Variants in AMOT observed in about 807,000 individuals in gnomAD.
AMOT encodes the protein angiomotin.
In AMOT, 11 loss-of-function variants were observed where a neutral mutation model predicts 67.0. The ratio of observed to expected loss-of-function variants is 0.16; its 90% CI spans 0.10 to 0.27. The LOEUF is 0.27. Among genes scored for constraint, AMOT ranks in the 10% least tolerant of loss-of-function variants. The pLI is 1.00. For missense variants in AMOT, 753 were observed against 852.0 expected, an observed-to-expected ratio of 0.88 and a Z score of 1.45; for synonymous variants, 326 against 321.4, an observed-to-expected ratio of 1.01 and a Z score of -0.15.
At position 112,779,090 on chromosome X, in the gene AMOT, C is replaced by CAGCTGGAGTTGGAGTTGG. The variant is rs780675984; in HGVS notation, c.3046_3063dup (p.Pro1016_Ala1021dup). 7 of 1,198,916 alleles carry CAGCTGGAGTTGGAGTTGG rather than the reference C, an allele frequency of 5.8e-6. No homozygotes were observed. Among genetic ancestry groups the CAGCTGGAGTTGGAGTTGG allele is most frequent in the Non-Finnish European group, 5.7e-6 (5 of 884,887 alleles). On this transcript the variant is annotated inframe_insertion, in exon 13 of 14. Coordinates refer to ENST00000371959, the MANE Select transcript of AMOT (RefSeq NM_001113490.2). Reference sequence around the variant, plus strand: ...CTTGCAGGAACCTCAGCCTGAGCCACAGCTGGAGTTGGAGTTGGAGCTGGA... The same window carrying CAGCTGGAGTTGGAGTTGG: ...CTTGCAGGAACCTCAGCCTGAGCCACAGCTGGAGTTGGAGTTGGAGCTGGAGTTGGAGTTGGAGCTGGA...
Position 112,775,286 on chromosome X carries a change from G to A in AMOT, c.*3281C>T, listed in dbSNP as rs1932913899. 8.9e-6 allele frequency: 1 copy of A among 112,843 alleles called. No homozygotes were observed. The highest frequency in any genetic ancestry group is 3.7e-4 in the South Asian group (1 of 2,729). 9.3% of individuals were successfully genotyped at this position (112,843 alleles called of 1,213,427 possible). ...CTTTGAAAACATTTTCAGTAAGAAT[G>A]CACACGTTTTAAGTAACATATTCCA... On this transcript the variant is annotated 3_prime_UTR_variant, in exon 14 of 14. Transcript: ENST00000371959.
intron 10 of AMOT, among the ~76,000 whole-genome samples, chrX:112,782,933 A>C: frequency 9.0e-6 from 1 of 111,637 alleles, no homozygotes; most frequent in East Asian, 2.8e-4. Flanking sequence ...AACTGAACAG[A>C]TATCATCCCA....
chrX:112,781,126 C>T lies in AMOT; in HGVS notation c.2241-8G>A, dbSNP rs774548706. Reference sequence around the variant, plus strand: ...GCATGGAGGGTCTTAATCCTAGGAGCCAAAGGCAAAGAACATATAAAGACC... The same window carrying T: ...GCATGGAGGGTCTTAATCCTAGGAGTCAAAGGCAAAGAACATATAAAGACC... On this transcript the variant is annotated splice_region_variant and splice_polypyrimidine_tract_variant and intron_variant, in intron 11 of 13. Transcript: ENST00000371959. 22 of 1,200,761 alleles carry T rather than the reference C, an allele frequency of 1.8e-5. No homozygotes were observed. The highest frequency in any genetic ancestry group is 1.9e-5 in the Non-Finnish European group (17 of 887,162).
At chrX:112,803,357 T>G (rs2147800025) in intron 8 of AMOT, among the ~76,000 whole-genome samples, 1 of 111,774 alleles carries the variant, frequency 8.9e-6, no homozygotes, top group African/African-American at 3.2e-5. Flanking sequence ...AAGAATTCAG[T>G]CTTACCCCAT....
intron 8 of AMOT, among the ~76,000 whole-genome samples, chrX:112,795,248 CTGTGTGTGTGTGTG>C (rs575390682): frequency 2.9e-5 from 3 of 104,195 alleles, no homozygotes; most frequent in Non-Finnish European, 3.9e-5. Context: ...GTCTCTCTCT[CTGTGTGTGTGTGTG>C]TGTGTGTGTG....
chrX:112,781,951 T>C (rs1463306956), intron 11 of AMOT, among the ~76,000 whole-genome samples: 1 of 111,931 alleles, frequency 8.9e-6, no homozygotes, highest in East Asian at 2.8e-4. Context: ...TGCAATGGCA[T>C]GATCTTGACT....
At chrX:112,815,248 C>T in intron 5 of AMOT, 110 bp downstream of exon 5, 2 of 1,009,667 alleles carry the variant, frequency 2.0e-6, no homozygotes, top group Non-Finnish European at 2.7e-6. Context: ...ATCCTGAAGA[C>T]CTGCCACAAG....
At chrX:112,788,573 C>T (rs919465062) in intron 10 of AMOT, among the ~76,000 whole-genome samples, 3 of 112,229 alleles carry the variant, frequency 2.7e-5, no homozygotes, top group African/African-American at 9.7e-5. Context: ...GAGGCACTAT[C>T]ACTGGAAAAG....
chrX:112,792,132 T>C (rs1440988896), intron 8 of AMOT, 151 bp from the exon 9 acceptor site: 2 of 595,509 alleles, frequency 3.4e-6, no homozygotes, highest in African/African-American at 2.3e-5. Flanking sequence ...AGAAGGTCCT[T>C]CACAATGAGT....
At chrX:112,812,080 T>C (rs919683987) in intron 5 of AMOT, among the ~76,000 whole-genome samples, 1 of 111,994 alleles carries the variant, frequency 8.9e-6, no homozygotes, top group African/African-American at 3.2e-5. Context: ...GATACATCTT[T>C]AAGAAAAGTA....
chrX:112,779,063 G>A lies in AMOT; in HGVS notation c.3091C>T (p.Pro1031Ser), dbSNP rs1315225526. Reference sequence around the variant, plus strand: ...CGATGTGGTCCAGGACCGGTAGCTGGACTTGCAGGAACCTCAGCCTGAGCC... The same window carrying A: ...CGATGTGGTCCAGGACCGGTAGCTGAACTTGCAGGAACCTCAGCCTGAGCC... ...AVAQAEVPAS[P>S]ATGPGPHRLS... is the part of the protein sequence containing the mutation. The change falls in exon 13 of 14, where the codon CCA becomes TCA. Residue 1031 changes from proline to serine, a missense_variant. Physicochemically the swap from Pro to Ser is moderately conservative, Grantham distance 74 (BLOSUM62 -1). This residue lies in a region of AMOT where 269 missense variants were observed against 300.9 expected (regional missense o/e 0.89). Coordinates refer to ENST00000371959, the MANE Select transcript of AMOT (RefSeq NM_001113490.2). 1 of 1,206,860 alleles carries A rather than the reference G, an allele frequency of 8.3e-7. No homozygotes were observed. The highest frequency in any genetic ancestry group is 1.8e-5 in the African/African-American group (1 of 56,950).
intron 5 of AMOT, among the ~76,000 whole-genome samples, chrX:112,811,779 C>T (rs1040827579): frequency 1.2e-4 from 13 of 111,809 alleles, no homozygotes; most frequent in African/African-American, 4.2e-4. Flanking sequence ...AGGGCTTTCA[C>T]ATGTTGGTTC....
chrX:112,783,293 T>TC (rs1933258870), intron 10 of AMOT, among the ~76,000 whole-genome samples: 1 of 89,480 alleles, frequency 1.1e-5, no homozygotes, highest in African/African-American at 4.3e-5. Flanking sequence ...AGACTCTGTC[T>TC]CAAAAAAAAA....
intron 4 of AMOT, among the ~76,000 whole-genome samples, chrX:112,817,158 G>A (rs938021356): frequency 8.9e-6 from 1 of 111,979 alleles, no homozygotes; most frequent in African/African-American, 3.2e-5. Flanking sequence ...CCCAACAGAG[G>A]GAGTCTGGAG....
intron 5 of AMOT, among the ~76,000 whole-genome samples, chrX:112,812,281 G>A (rs759662268): frequency 5.3e-4 from 59 of 111,784 alleles, no homozygotes; most frequent in African/African-American, 1.8e-3. Flanking sequence ...ATGACCAGTC[G>A]TTTAATTTGG....
At position 112,780,867 on chromosome X, in the gene AMOT, C is replaced by T; in HGVS notation, c.2473+19G>A. On this transcript the variant is annotated intron_variant, in intron 12 of 13. Coordinates refer to ENST00000371959, the MANE Select transcript of AMOT (RefSeq NM_001113490.2). ...TCTTTGAACACGTGACTATAATCTT[C>T]CTTATTTACTGTCATTACCTAGGCT... 1 of 1,197,465 alleles carries T rather than the reference C, an allele frequency of 8.4e-7. No homozygotes were observed. Among genetic ancestry groups the T allele is most frequent in the South Asian group, 1.8e-5 (1 of 56,590 alleles).
At chrX:112,839,745 T>C (rs755194040) in intron 1 of AMOT, among the ~76,000 whole-genome samples, 1 of 111,268 alleles carries the variant, frequency 9.0e-6, no homozygotes, top group African/African-American at 3.3e-5. Flanking sequence ...TTCTCTTCAT[T>C]TTCACAAACC....
chrX:112,806,546 A>G (rs1422668369), intron 7 of AMOT, among the ~76,000 whole-genome samples: 1 of 109,965 alleles, frequency 9.1e-6, no homozygotes, highest in African/African-American at 3.3e-5. Flanking sequence ...CAGCACCTAT[A>G]TAATGAGCGT....
intron 8 of AMOT, among the ~76,000 whole-genome samples, chrX:112,797,022 T>C (rs1317063376): frequency 8.9e-6 from 1 of 112,067 alleles, no homozygotes; most frequent in Admixed American, 9.4e-5. Context: ...ATCTCCTTTG[T>C]GCCACACTAA....
Sources: allele counts gnomAD v4.1 joint callset (sites outside exome capture counted in the v4.1 genomes callset), GRCh38; gene constraint gnomAD v4.1.1; regional missense constraint gnomAD v4.1.1; transcripts MANE v1.5; gene names NCBI Gene and HGNC (gene_info 2026-07-23, HGNC 2026-07-21).